The following ARHGEF28 variants were observed in gnomAD, a reference collection of about 807,000 sequenced individuals.
The protein encoded by ARHGEF28 is Rho guanine nucleotide exchange factor 28.
Under a neutral mutation model 206.6 loss-of-function variants are expected in ARHGEF28, and 152 were observed. The observed-to-expected ratio is 0.74, with a 90% confidence interval of 0.64 to 0.84. The LOEUF is 0.84. Ranked by LOEUF, ARHGEF28 falls within the 40% of genes least tolerant of loss-of-function variation. The probability of loss-of-function intolerance (pLI) is 0.00; values close to 1 mark genes in which losing one functional copy is unlikely to be tolerated. For synonymous variants in ARHGEF28, 763 were observed against 776.4 expected (o/e 0.98, Z 0.29); for missense variants, 2,028 against 2,073.2 (o/e 0.98, Z 0.42).
intron 30 of ARHGEF28, chr5:73,899,495 T>C (rs954007996): frequency 3.3e-5 from 5 of 152,326 alleles, no homozygotes; most frequent in African/African-American, 4.8e-5. Flanking sequence ...AGGGGTCTGA[T>C]GTCGGGATTC....
At chr5:73,843,088 A>T (rs1758088861) in intron 11 of ARHGEF28, among the ~76,000 whole-genome samples, 1 of 152,136 alleles carries the variant, frequency 6.6e-6, no homozygotes, top group Non-Finnish European at 1.5e-5. Context: ...CATGGAAAAG[A>T]CACAAAATAG....
chr5:73,763,485 C>T (rs539086828), intron 4 of ARHGEF28, among the ~76,000 whole-genome samples: 9 of 152,242 alleles, frequency 5.9e-5, no homozygotes, highest in Non-Finnish European at 1.3e-4. Context: ...TTCAAAGGGC[C>T]ATCTGCGAGG....
intron 2 of ARHGEF28, among the ~76,000 whole-genome samples, chr5:73,737,507 C>CTTTTA (rs1224310251): frequency 1.0e-5 from 1 of 97,176 alleles, no homozygotes; most frequent in African/African-American, 3.9e-5. Flanking sequence ...CTTTTCTTTT[C>CTTTTA]TTTTCTTTTC....
intron 14 of ARHGEF28, among the ~76,000 whole-genome samples, chr5:73,855,208 A>G (rs2973564): frequency 0.23 from 35,017 of 152,150 alleles, 4,507 homozygotes; most frequent in Non-Finnish European, 0.29. Flanking sequence ...TAAATATCAC[A>G]TAATTAAATT....
At chr5:73,801,223 G>T (rs1404419529) in intron 9 of ARHGEF28, among the ~76,000 whole-genome samples, 1 of 152,112 alleles carries the variant, frequency 6.6e-6, no homozygotes, top group Non-Finnish European at 1.5e-5. Flanking sequence ...GAGGCAGGCG[G>T]ATCACGAGGT....
intron 26 of ARHGEF28, among the ~76,000 whole-genome samples, chr5:73,891,509 TA>T (rs1761626745): frequency 1.3e-5 from 2 of 152,254 alleles, no homozygotes; most frequent in Admixed American, 6.5e-5. Flanking sequence ...TTCTGTCTTT[TA>T]AAAAGTTCAG....
chr5:73,646,912 T>G (rs1744465230), intron 1 of ARHGEF28, among the ~76,000 whole-genome samples: 1 of 142,490 alleles, frequency 7.0e-6, no homozygotes, highest in African/African-American at 2.5e-5. Context: ...TGCCCCGCCA[T>G]CACTAGGACA....
intron 6 of ARHGEF28, 47 bp downstream of exon 6, chr5:73,776,743 AT>A: frequency 6.6e-7 from 1 of 1,507,350 alleles, no homozygotes; most frequent in Non-Finnish European, 9.0e-7. Flanking sequence ...GCTTCAGAGA[AT>A]GCAGGCATCA....
At chr5:73,773,754 A>G in intron 4 of ARHGEF28, 101 bp from the exon 5 acceptor site, 1 of 1,148,378 alleles carries the variant, frequency 8.7e-7, no homozygotes, top group Non-Finnish European at 1.2e-6. Context: ...TCCAACTCTG[A>G]CATTCTTATT....
chr5:73,654,904 G>T (rs975749587), intron 1 of ARHGEF28, among the ~76,000 whole-genome samples: 9 of 152,170 alleles, frequency 5.9e-5, no homozygotes, highest in Admixed American at 3.9e-4. Flanking sequence ...CTCTGTCAGG[G>T]AGAGATTCTG....
In ARHGEF28 at chr5:73,870,088, G is replaced by A; in HGVS notation, c.2445G>A (p.Leu815=). 1.2e-6 allele frequency: 2 copies of A among 1,613,724 alleles called. No individual in the cohort carries two copies. Among genetic ancestry groups the A allele is most frequent in the African/African-American group, 1.3e-5 (1 of 75,012 alleles). ...CATTAGATGTTGTGGATTCTTCTCTGTGGAGTGACCTCAGCAGTGATGCCC... is the reference window on the plus strand; with the variant it reads ...CATTAGATGTTGTGGATTCTTCTCTATGGAGTGACCTCAGCAGTGATGCCC... ...FIMEDVVDSS[L]WSDLSSDAQE... The change falls in exon 21 of 36, where the codon CTG becomes CTA. Residue 815 remains leucine, a synonymous_variant. Coordinates refer to ENST00000513042, the MANE Select transcript of ARHGEF28 (RefSeq NM_001177693.2).
chr5:73,717,290 C>T (rs1532687), intron 2 of ARHGEF28, among the ~76,000 whole-genome samples: 33,004 of 151,966 alleles, frequency 0.22, 3,804 homozygotes, highest in African/African-American at 0.25. Context: ...GCCCCCTCTT[C>T]CTCCTCTCCG....
intron 35 of ARHGEF28, among the ~76,000 whole-genome samples, chr5:73,915,555 C>G (rs2111942571): frequency 6.6e-6 from 1 of 152,154 alleles, no homozygotes; most frequent in East Asian, 1.9e-4. Context: ...TTTGAATTTC[C>G]TTAAACAATA....
At chr5:73,780,849 G>C in intron 7 of ARHGEF28, 104 bp downstream of exon 7, 1 of 1,263,242 alleles carries the variant, frequency 7.9e-7, no homozygotes, top group Non-Finnish European at 1.1e-6. Context: ...GAATCAAGGG[G>C]CTCAGAGGCA....
At chr5:73,857,317 TA>T (rs1223033441) in intron 14 of ARHGEF28, among the ~76,000 whole-genome samples, 2 of 152,156 alleles carry the variant, frequency 1.3e-5, no homozygotes, top group African/African-American at 4.8e-5. Context: ...AGGGTAAAAT[TA>T]TAAGTCTAAG....
Position 73,769,015 on chromosome 5 carries a change from G to A in ARHGEF28, c.476-4840G>A, listed in dbSNP as rs1392664764. Among the ~76,000 whole-genome samples the A allele has an allele frequency of 2.0e-5, 3 of 152,142 alleles. No individual in the cohort carries two copies. In the East Asian group the frequency reaches 5.8e-4, roughly 29 times the overall value. On this transcript the variant is annotated intron_variant, in intron 4 of 35. Coordinates refer to ENST00000513042, the MANE Select transcript of ARHGEF28 (RefSeq NM_001177693.2). ...CTCTTGCCGCTGCCATGTAAGAAGT[G>A]CCTTTTGCCTTCCACCATGATTGTG...
At chr5:73,667,886 C>T (rs1239084916) in intron 1 of ARHGEF28, among the ~76,000 whole-genome samples, 1 of 152,166 alleles carries the variant, frequency 6.6e-6, no homozygotes, top group Admixed American at 6.5e-5. Flanking sequence ...AGTCTTAAGA[C>T]ATGGACATAA....
At chr5:73,731,011 T>TAAAAAAAAA (rs10699304) in intron 2 of ARHGEF28, among the ~76,000 whole-genome samples, 1 of 142,370 alleles carries the variant, frequency 7.0e-6, no homozygotes, top group Non-Finnish European at 1.5e-5. Context: ...GCCTTTAAGC[T>TAAAAAAAAA]AAAAAAAAAA....
At chr5:73,672,739 G>A (rs1255776365) in intron 1 of ARHGEF28, among the ~76,000 whole-genome samples, 4 of 152,356 alleles carry the variant, frequency 2.6e-5, no homozygotes, top group African/African-American at 9.6e-5. Flanking sequence ...AAGTAAGATT[G>A]TAAAGGTGAT....
Sources: allele counts gnomAD v4.1 joint callset (sites outside exome capture counted in the v4.1 genomes callset), GRCh38; gene constraint gnomAD v4.1.1; transcripts MANE v1.5; gene names NCBI Gene and HGNC (gene_info 2026-07-23, HGNC 2026-07-21).